Variants in OPRM1 observed in about 807,000 individuals in gnomAD.
OPRM1 encodes the protein opioid receptor mu 1, also known as mu-type opioid receptor.
In OPRM1, 27 loss-of-function variants were observed where a neutral mutation model predicts 31.8. The ratio of observed to expected loss-of-function variants is 0.85; its 90% CI spans 0.63 to 1.17. The LOEUF is 1.17. Ranked by LOEUF, OPRM1 falls within the 50% of genes most tolerant of loss-of-function variation. The probability of loss-of-function intolerance (pLI) is 0.00; values close to 1 mark genes in which losing one functional copy is unlikely to be tolerated. For missense variants in OPRM1, 536 were observed against 511.1 expected (o/e 1.05, Z -0.47); for synonymous variants, 196 against 189.9 (o/e 1.03, Z -0.26).
intron 3 of OPRM1, among the ~76,000 whole-genome samples, chr6:154,097,322 A>G (rs1468027858): frequency 1.3e-5 from 2 of 152,186 alleles, no homozygotes; most frequent in East Asian, 3.8e-4. Flanking sequence ...TTTAACTGTG[A>G]ACTATATTAT....
In OPRM1 at chr6:154,077,146, AC is replaced by A. The variant is rs1439613536; in HGVS notation, c.291-12675del. Reference sequence around the variant, plus strand: ...CCAATCCACATGTGCTCCAAACCCCACCCCCTTTCAGTTTCTCAGGGACATT... The same window carrying A: ...CCAATCCACATGTGCTCCAAACCCCACCCCTTTCAGTTTCTCAGGGACATT... On this transcript the variant is annotated intron_variant, in intron 1 of 3. Transcript: ENST00000330432. 4.6e-5 allele frequency among the ~76,000 whole-genome samples: 7 copies of A among 151,766 alleles called. No homozygotes were observed. The South Asian group carries it at 1.5e-3, about 32-fold the overall frequency.
At chr6:154,146,761 C>G (rs1265410787) in intron 3 of OPRM1, among the ~76,000 whole-genome samples, 1 of 152,044 alleles carries the variant, frequency 6.6e-6, no homozygotes, top group Non-Finnish European at 1.5e-5. Context: ...GAAAGGGCAC[C>G]CCACATGGAA....
chr6:154,043,609 A>G (rs918279989), intron 1 of OPRM1, among the ~76,000 whole-genome samples: 4 of 151,954 alleles, frequency 2.6e-5, no homozygotes, highest in African/African-American at 7.2e-5. Context: ...GTCACTAAAT[A>G]TGATCATTAG....
intron 1 of OPRM1, among the ~76,000 whole-genome samples, chr6:154,060,760 T>C (rs748031166): frequency 5.9e-5 from 9 of 152,148 alleles, no homozygotes; most frequent in Admixed American, 1.3e-4. Flanking sequence ...GGCAGAATGC[T>C]TCCCTAGAAA....
At chr6:154,151,900 G>A (rs1437887916) in intron 3 of OPRM1, among the ~76,000 whole-genome samples, 3 of 152,096 alleles carry the variant, frequency 2.0e-5, no homozygotes, top group Non-Finnish European at 4.4e-5. Flanking sequence ...AGGGCCGGGC[G>A]CGGTGGCTCA....
chr6:154,207,103 TA>T (rs1777561756), intron 3 of OPRM1, among the ~76,000 whole-genome samples: 1 of 152,228 alleles, frequency 6.6e-6, no homozygotes, highest in African/African-American at 2.4e-5. Context: ...AATAGCCTGC[TA>T]TTTCAATAAC....
chr6:154,097,257 T>C (rs928846931), intron 3 of OPRM1, among the ~76,000 whole-genome samples: 1 of 152,216 alleles, frequency 6.6e-6, no homozygotes, highest in Non-Finnish European at 1.5e-5. Flanking sequence ...AAGCACTTTC[T>C]TGACATTTTA....
chr6:154,114,433 GA>G lies in OPRM1; in HGVS notation c.1165-4240del, dbSNP rs773960873. ...ATACAGTAAGCCCAATTTCTCTGCA[GA>G]AAAAAAAAAGAGAGAAAGAGAAAGA... On this transcript the variant is annotated intron_variant, in intron 3 of 3. Coordinates refer to ENST00000330432, the MANE Select transcript of OPRM1 (RefSeq NM_000914.5). 9.4e-4 allele frequency among the ~76,000 whole-genome samples: 139 copies of G among 147,096 alleles called. 1 individual carries two copies. In the East Asian group the frequency reaches 0.022, roughly 23 times the overall value.
chr6:154,196,090 C>T (rs1184360079), intron 3 of OPRM1, among the ~76,000 whole-genome samples: 1 of 152,000 alleles, frequency 6.6e-6, no homozygotes, highest in East Asian at 1.9e-4. Flanking sequence ...CTGCCCAGTC[C>T]CCCTGGTTCA....
chr6:154,108,059 T>C, intron 3 of OPRM1: 1 of 659,570 alleles, frequency 1.5e-6, no homozygotes, highest in Non-Finnish European at 2.8e-6. Flanking sequence ...ATTGTTACCC[T>C]TTTGCCAGCA....
chr6:154,176,063 G>T (rs1001198021), intron 3 of OPRM1, among the ~76,000 whole-genome samples: 6 of 152,084 alleles, frequency 3.9e-5, no homozygotes, highest in African/African-American at 1.4e-4. Context: ...CAGAACCAAT[G>T]ATAAAAACCA....
chr6:154,074,046 G>A (rs1243579630), intron 1 of OPRM1: 1 of 152,162 alleles, frequency 6.6e-6, no homozygotes, highest in Non-Finnish European at 1.5e-5. Flanking sequence ...ATAAAAGAGA[G>A]AATTTTTTCT....
At chr6:154,032,046 A>G (rs183838275) in intron 1 of OPRM1, among the ~76,000 whole-genome samples, 1 of 152,326 alleles carries the variant, frequency 6.6e-6, no homozygotes. Context: ...GCTACAGTGT[A>G]TAGGATGAAC....
intron 1 of OPRM1, among the ~76,000 whole-genome samples, chr6:154,072,259 T>C (rs1340712160): frequency 6.6e-6 from 1 of 152,196 alleles, no homozygotes; most frequent in Non-Finnish European, 1.5e-5. Context: ...ATCAAGAGAA[T>C]GCATCATGTT....
At chr6:154,075,682 C>A (rs148712104) in intron 1 of OPRM1, among the ~76,000 whole-genome samples, 56 of 152,246 alleles carry the variant, frequency 3.7e-4, no homozygotes, top group African/African-American at 1.2e-3. Flanking sequence ...AAACTCCTGA[C>A]CTCAAGTGAT....
At chr6:154,191,677 AACAACAAC>A in intron 3 of OPRM1, among the ~76,000 whole-genome samples, 1 of 83,712 alleles carries the variant, frequency 1.2e-5, no homozygotes, top group African/African-American at 4.6e-5. Context: ...TTGCCTCAAC[AACAACAAC>A]AACAACAACA....
Position 154,091,109 on chromosome 6 carries a change from C to T in OPRM1, c.801C>T (p.Leu267=). 1 of 1,614,192 alleles carries T rather than the reference C, an allele frequency of 6.2e-7. No individual in the cohort carries two copies. Among genetic ancestry groups the T allele is most frequent in the South Asian group, 1.1e-5 (1 of 91,078 alleles). Residue 267 remains leucine (L), a synonymous_variant, in exon 3 of 4, where the codon CTC becomes CTT. Transcript: ENST00000330432. The stretch of plus-strand genomic sequence containing the variant: ...TGCGCCTCAAGAGTGTCCGCATGCT[C>T]TCTGGCTCCAAAGAAAAGGACAGGA... ...MILRLKSVRM[L]SGSKEKDRNL...
rs1352075178 is a variant in OPRM1 at position 154,100,209 on chromosome 6, ATAT to A, written c.1164+8741_1164+8743del. On this transcript the variant is annotated intron_variant, in intron 3 of 3. Coordinates refer to ENST00000330432, the MANE Select transcript of OPRM1 (RefSeq NM_000914.5). ...ATGACATATCATAATATATATTATC[ATAT>A]TATGACATATCGTAATATATATTAT... Among the ~76,000 whole-genome samples the A allele has an allele frequency of 1.1e-4, 14 of 126,204 alleles. 1 individual carries two copies. The South Asian group carries it at 2.9e-3, about 26-fold the overall frequency. 82.8% of individuals were successfully genotyped at this position (126,204 alleles called of 152,430 possible).
chr6:154,144,000 G>A (rs1798291697), intron 3 of OPRM1, among the ~76,000 whole-genome samples: 1 of 152,118 alleles, frequency 6.6e-6, no homozygotes. Flanking sequence ...TTTCAGTACA[G>A]ACCTGCAGAT....
Sources: gnomAD v4.1 joint callset for allele counts (sites outside exome capture counted in the v4.1 genomes callset) on GRCh38, gnomAD v4.1.1 for gene constraint, MANE v1.5 for transcripts, NCBI Gene and HGNC (gene_info 2026-07-23, HGNC 2026-07-21) for gene names.